ZCCHC7: variants seen among roughly 807,000 people sequenced by gnomAD.
The protein encoded by ZCCHC7 is zinc finger CCHC domain-containing protein 7.
In ZCCHC7, 35 loss-of-function variants were observed where a neutral mutation model predicts 52.0. That is an observed-to-expected ratio of 0.67 (90% CI 0.51 to 0.89). The LOEUF (loss-of-function observed/expected upper bound fraction) is 0.89, where lower values mean the gene tolerates loss of function less well. Ranked by LOEUF, ZCCHC7 falls within the 40% of genes least tolerant of loss-of-function variation. The pLI is 0.00. For synonymous variants in ZCCHC7, 217 were observed against 221.5 expected (o/e 0.98, Z 0.18); for missense variants, 574 against 649.1 (o/e 0.88, Z 1.26).
intron 2 of ZCCHC7, among the ~76,000 whole-genome samples, chr9:37,208,700 C>T (rs1056752247): frequency 6.6e-6 from 1 of 152,160 alleles, no homozygotes; most frequent in Non-Finnish European, 1.5e-5. Context: ...TACTTCTTAC[C>T]CATCTACTCT....
intron 2 of ZCCHC7, among the ~76,000 whole-genome samples, chr9:37,187,807 C>T (rs540099748): frequency 3.5e-4 from 52 of 150,622 alleles, no homozygotes; most frequent in Non-Finnish European, 6.9e-4. Flanking sequence ...TTTAAATTTT[C>T]GATACAGGGT....
chr9:37,270,819 A>AAG lies in ZCCHC7; in HGVS notation c.611-31369_611-31368insAG, dbSNP rs1827373296. Among the ~76,000 whole-genome samples, 16 of 151,304 alleles carry AAG rather than the reference A, an allele frequency of 1.1e-4. No individual in the cohort carries two copies. The South Asian group carries it at 3.3e-3, about 32-fold the overall frequency. On this transcript the variant is annotated intron_variant, in intron 2 of 8. Transcript: ENST00000336755. ...TTTCCAGCAATAATAAAAAAAAAAAATAGTAGTAGAAGAGGAGGAGCCATT... is the reference window on the plus strand; with the variant it reads ...TTTCCAGCAATAATAAAAAAAAAAAAAGTAGTAGTAGAAGAGGAGGAGCCATT...
chr9:37,180,641 CA>C (rs1822301351), intron 2 of ZCCHC7, among the ~76,000 whole-genome samples: 1 of 152,008 alleles, frequency 6.6e-6, no homozygotes, highest in Admixed American at 6.6e-5. Flanking sequence ...TGTTATAAAG[CA>C]AACATAAATA....
chr9:37,223,023 G>A (rs1824906971), intron 2 of ZCCHC7, among the ~76,000 whole-genome samples: 1 of 152,160 alleles, frequency 6.6e-6, no homozygotes, highest in African/African-American at 2.4e-5. Context: ...GTGTATGTAT[G>A]TATGTATATG....
intron 5 of ZCCHC7, among the ~76,000 whole-genome samples, chr9:37,309,174 T>G (rs1829479149): frequency 2.0e-5 from 3 of 152,154 alleles, no homozygotes; most frequent in African/African-American, 7.2e-5. Context: ...ACACACCTGG[T>G]GTAGGATTCC....
chr9:37,179,417 A>G (rs1822232292), intron 2 of ZCCHC7, among the ~76,000 whole-genome samples: 1 of 152,132 alleles, frequency 6.6e-6, no homozygotes, highest in African/African-American at 2.4e-5. Flanking sequence ...TCTGAATTTT[A>G]CTTGCCTGAT....
intron 2 of ZCCHC7, among the ~76,000 whole-genome samples, chr9:37,164,896 G>A (rs1196539542): frequency 5.9e-5 from 9 of 152,266 alleles, no homozygotes; most frequent in Non-Finnish European, 5.9e-5. Context: ...AGTGTAGTCC[G>A]TTTCTTCCAG....
intron 2 of ZCCHC7, among the ~76,000 whole-genome samples, chr9:37,208,787 T>C (rs983951759): frequency 1.3e-5 from 2 of 152,182 alleles, no homozygotes; most frequent in South Asian, 4.1e-4. Context: ...TTCTTCATTT[T>C]TCCACCAAGC....
intron 6 of ZCCHC7, among the ~76,000 whole-genome samples, chr9:37,343,781 CA>C (rs759115482): frequency 4.3e-4 from 66 of 152,280 alleles, no homozygotes; most frequent in South Asian, 1.0e-3. Flanking sequence ...TGTTCTAGGT[CA>C]GGGGTCAGCA....
chr9:37,201,171 T>C (rs1190844723), intron 2 of ZCCHC7, among the ~76,000 whole-genome samples: 1 of 152,238 alleles, frequency 6.6e-6, no homozygotes, highest in African/African-American at 2.4e-5. Context: ...TCCAGAGAGA[T>C]TTACTTGTTC....
intron 2 of ZCCHC7, among the ~76,000 whole-genome samples, chr9:37,256,702 C>A (rs1185930372): frequency 6.6e-6 from 1 of 151,964 alleles, no homozygotes; most frequent in Non-Finnish European, 1.5e-5. Flanking sequence ...ATGACCCATT[C>A]ATTATGTTAC....
intron 2 of ZCCHC7, among the ~76,000 whole-genome samples, chr9:37,200,793 G>A (rs1168830538): frequency 6.6e-6 from 1 of 152,188 alleles, no homozygotes; most frequent in Non-Finnish European, 1.5e-5. Context: ...CCATTGAAAG[G>A]CTCTCTGCTT....
At chr9:37,132,874 C>T (rs1029828011) in intron 2 of ZCCHC7, among the ~76,000 whole-genome samples, 1 of 152,216 alleles carries the variant, frequency 6.6e-6, no homozygotes, top group Non-Finnish European at 1.5e-5. Flanking sequence ...CATGGTGGCT[C>T]ACGCCTGTAA....
chr9:37,210,661 C>G (rs1007915906), intron 2 of ZCCHC7, among the ~76,000 whole-genome samples: 2 of 152,142 alleles, frequency 1.3e-5, no homozygotes, highest in African/African-American at 4.8e-5. Flanking sequence ...TATGCCCCAA[C>G]CTACTTTTTA....
At chr9:37,204,431 T>C (rs1311502226) in intron 2 of ZCCHC7, among the ~76,000 whole-genome samples, 2 of 152,230 alleles carry the variant, frequency 1.3e-5, no homozygotes, top group Non-Finnish European at 2.9e-5. Flanking sequence ...AGGGTTTTTA[T>C]GGTTTTGTGT....
At chr9:37,122,802 T>C (rs1035449381) in intron 1 of ZCCHC7, among the ~76,000 whole-genome samples, 118 of 152,304 alleles carry the variant, frequency 7.7e-4, no homozygotes, top group African/African-American at 2.4e-3. Flanking sequence ...CCAGGCGTGG[T>C]GGCGCGTGCC....
intron 2 of ZCCHC7, among the ~76,000 whole-genome samples, chr9:37,241,072 G>A (rs372996368): frequency 7.8e-4 from 119 of 151,762 alleles, no homozygotes; most frequent in Non-Finnish European, 1.5e-3. Context: ...TTTAATCAAA[G>A]GATTGATATA....
At chr9:37,127,561 A>G (rs1260544277) in intron 2 of ZCCHC7, among the ~76,000 whole-genome samples, 1 of 152,230 alleles carries the variant, frequency 6.6e-6, no homozygotes, top group Non-Finnish European at 1.5e-5. Context: ...TCTCTGTGAC[A>G]TGTAGTCATC....
intron 2 of ZCCHC7, among the ~76,000 whole-genome samples, chr9:37,273,834 T>C (rs1827550746): frequency 6.6e-6 from 1 of 152,226 alleles, no homozygotes; most frequent in Non-Finnish European, 1.5e-5. Context: ...GTGTTTTTTT[T>C]CTCAGAGATA....
Sources: allele counts gnomAD v4.1 joint callset (sites outside exome capture counted in the v4.1 genomes callset), GRCh38; gene constraint gnomAD v4.1.1; transcripts MANE v1.5; gene names NCBI Gene and HGNC (gene_info 2026-07-23, HGNC 2026-07-21).